MYO15A: variants seen among roughly 807,000 people sequenced by gnomAD.
MYO15A encodes the protein myosin XVA.
In MYO15A, 308 loss-of-function variants were observed where a neutral mutation model predicts 394.6. That is an observed-to-expected ratio of 0.78 (90% CI 0.71 to 0.86). MYO15A has a LOEUF of 0.86. Ranked by LOEUF, MYO15A falls within the 40% of genes least tolerant of loss-of-function variation. The pLI, the probability that MYO15A is intolerant of heterozygous loss-of-function variation, is 0.00. For synonymous variants in MYO15A, 1,957 were observed against 2,003.8 expected (o/e 0.98, Z 0.62); for missense variants, 4,606 against 4,799.1 (o/e 0.96, Z 1.19).
chr17:18,119,292 C>T lies in MYO15A; in HGVS notation c.492C>T (p.Ser164=). ...ATVDAWLQRS[S]SRMGSRKLPF... ...TGGACGCCTGGCTGCAGCGCTCGAGCTCCCGCATGGGCTCCCGCAAACTCC... is the reference window on the plus strand; with the variant it reads ...TGGACGCCTGGCTGCAGCGCTCGAGTTCCCGCATGGGCTCCCGCAAACTCC... The change falls in exon 2 of 66, where the codon AGC becomes AGT. Residue 164 remains serine (S), a synonymous_variant. Transcript: ENST00000647165. The T allele has an allele frequency of 6.2e-7, 1 of 1,611,640 alleles. No homozygotes were observed. The highest frequency in any genetic ancestry group is 2.2e-5 in the East Asian group (1 of 44,856).
chr17:18,136,584 G>C lies in MYO15A; in HGVS notation c.4677G>C (p.Leu1559Phe), dbSNP rs148999376. ...VDARDAIAKV[L>F]YALLFSWLIT... ...CCAGGGACGCCATCGCCAAGGTCTT[G>C]TATGCACTGCTGTTCAGCTGGCTCA... Residue 1559 changes from leucine (L) to phenylalanine (F), a missense_variant, in exon 15 of 66, where the codon TTG (leucine) becomes TTC (phenylalanine). Physicochemically the swap from Leu to Phe is conservative, Grantham distance 22. This residue lies in a region of MYO15A where 2,776 missense variants were observed against 3,109.3 expected (regional missense o/e 0.89). Transcript: ENST00000647165. 1.9e-6 allele frequency: 3 copies of C among 1,614,038 alleles called. No homozygotes were observed. The highest frequency in any genetic ancestry group is 2.5e-6 in the Non-Finnish European group (3 of 1,180,044).
In MYO15A at chr17:18,137,691, C is replaced by T. The variant is rs747178593; in HGVS notation, c.4875+12C>T. 1.2e-5 allele frequency: 20 copies of T among 1,612,770 alleles called. No individual in the cohort carries two copies. Among genetic ancestry groups the T allele is most frequent in the Non-Finnish European group, 1.6e-5 (19 of 1,179,132 alleles). Reference sequence around the variant, plus strand: ...TCCAGGAGGAGCAGGTGTGTGGGCCCCATTAATACTCCTGTCCCTGTCTTG... The same window carrying T: ...TCCAGGAGGAGCAGGTGTGTGGGCCTCATTAATACTCCTGTCCCTGTCTTG... On this transcript the variant is annotated intron_variant, in intron 16 of 65. Transcript: ENST00000647165.
chr17:18,169,920 G>A (rs974000809), intron 62 of MYO15A, among the ~76,000 whole-genome samples: 6 of 139,010 alleles, frequency 4.3e-5, no homozygotes, highest in East Asian at 2.1e-4. Context: ...GCAGTGAGCC[G>A]TGATTGCACC....
rs1210924543 is a variant in MYO15A at position 18,122,320 on chromosome 17, C to T, written c.3520C>T (p.Pro1174Ser). 1 of 1,612,994 alleles carries T rather than the reference C, an allele frequency of 6.2e-7. No homozygotes were observed. ...ACCCTGGCCACGAGTACACACCCATCCCCAGTCCTGCCACCTGGGCCCTGG... is the reference window on the plus strand; with the variant it reads ...ACCCTGGCCACGAGTACACACCCATTCCCAGTCCTGCCACCTGGGCCCTGG... ...YGPWPRVHTH[P>S]QSCHLGPGAA... is the part of the protein sequence containing the mutation. The change falls in exon 2 of 66, where the codon CCC becomes TCC. Residue 1174 changes from proline (P) to serine (S), a missense_variant. Physicochemically the swap from Pro to Ser is moderately conservative, Grantham distance 74. Coordinates refer to ENST00000647165, the MANE Select transcript of MYO15A (RefSeq NM_016239.4).
At chr17:18,165,948 G>A (rs966888549) in intron 60 of MYO15A, among the ~76,000 whole-genome samples, 2 of 152,148 alleles carry the variant, frequency 1.3e-5, no homozygotes, top group African/African-American at 4.8e-5. Flanking sequence ...GCACCCACTG[G>A]GTCTCATAGT....
Position 18,126,785 on chromosome 17 carries a change from C to T in MYO15A, c.3867-6C>T, listed in dbSNP as rs775860530. 6 of 1,614,096 alleles carry T rather than the reference C, an allele frequency of 3.7e-6. No individual in the cohort carries two copies. The South Asian group carries it at 5.5e-5, about 15-fold the overall frequency. The stretch of plus-strand genomic sequence containing the variant: ...AGGGGCCAGCTCTAATGACCTGTCT[C>T]CCCAGGCACCTCTTTGCTGTTGCAA... On this transcript the variant is annotated splice_polypyrimidine_tract_variant and splice_region_variant and intron_variant, in intron 5 of 65. Transcript: ENST00000647165.
intron 40 of MYO15A, 31 bp downstream of exon 40, chr17:18,151,558 GCC>G (rs1567653322): frequency 1.9e-6 from 3 of 1,612,672 alleles, no homozygotes; most frequent in Non-Finnish European, 2.5e-6. Context: ...CAGCCCGCCA[GCC>G]CCCTCACTGT....
intron 65 of MYO15A, among the ~76,000 whole-genome samples, chr17:18,175,972 G>A (rs891884540): frequency 5.9e-5 from 9 of 151,982 alleles, no homozygotes; most frequent in African/African-American, 2.2e-4. Flanking sequence ...TCTCCACCTG[G>A]AATGCTCTTC....
intron 1 of MYO15A, among the ~76,000 whole-genome samples, chr17:18,115,136 C>T (rs1050181635): frequency 1.3e-5 from 2 of 152,220 alleles, no homozygotes; most frequent in African/African-American, 2.4e-5. Context: ...CTGCACCCTG[C>T]CTCATCCCCA....
At chr17:18,149,921 C>T in intron 35 of MYO15A, 1 of 351,170 alleles carries the variant, frequency 2.8e-6, no homozygotes. Flanking sequence ...CCACTGTGCT[C>T]CAGCCTGGGC....
At position 18,120,188 on chromosome 17, in the gene MYO15A, T is replaced by A. The variant is rs756037505; in HGVS notation, c.1388T>A (p.Met463Lys). The A allele has an allele frequency of 6.2e-7, 1 of 1,612,912 alleles. No homozygotes were observed. Among genetic ancestry groups the A allele is most frequent in the South Asian group, 1.1e-5 (1 of 91,092 alleles). Residue 463 changes from methionine (M) to lysine (K), a missense_variant, in exon 2 of 66, where the codon ATG becomes AAG. Transcript: ENST00000647165. ...PSAAFFEQQGMDKPARSKLSL... is the reference protein window; with the variant it reads ...PSAAFFEQQGKDKPARSKLSL... Reference sequence around the variant, plus strand: ...GCCGCCTTCTTCGAGCAGCAAGGCATGGATAAGCCCGCCAGGTCCAAGCTG... The same window carrying A: ...GCCGCCTTCTTCGAGCAGCAAGGCAAGGATAAGCCCGCCAGGTCCAAGCTG...
rs538861771 is a variant in MYO15A, at chr17:18,138,182, A to G, written c.4943A>G (p.Asn1648Ser). The part of the protein sequence containing the change: ...ITFADNQPCI[N>S]LISLKPYGIL... ...TTTGCTGACAACCAGCCCTGCATCAACCTCATCTCACTGAAGCCTTATGGC... is the reference window on the plus strand; with the variant it reads ...TTTGCTGACAACCAGCCCTGCATCAGCCTCATCTCACTGAAGCCTTATGGC... Residue 1648 changes from asparagine to serine, a missense_variant, in exon 17 of 66, where the codon AAC becomes AGC. Transcript: ENST00000647165. 2.0e-5 allele frequency: 32 copies of G among 1,613,802 alleles called. No individual in the cohort carries two copies. The highest frequency in any genetic ancestry group is 2.7e-5 in the African/African-American group (2 of 75,034).
intron 7 of MYO15A, 106 bp downstream of exon 7, chr17:18,127,271 G>A: frequency 7.3e-7 from 1 of 1,365,372 alleles, no homozygotes; most frequent in Non-Finnish European, 1.0e-6. Flanking sequence ...GGAAGATGAG[G>A]AGGCTGAGTT....
intron 65 of MYO15A, chr17:18,176,618 C>T (rs2047018610): frequency 6.8e-6 from 1 of 147,404 alleles, no homozygotes; most frequent in African/African-American, 2.6e-5. Flanking sequence ...CTCACTACAA[C>T]CTCTGCTTCC....
intron 1 of MYO15A, among the ~76,000 whole-genome samples, chr17:18,116,168 G>C (rs1261154532): frequency 6.6e-6 from 1 of 152,216 alleles, no homozygotes; most frequent in Admixed American, 6.5e-5. Flanking sequence ...ATCCAGGTTG[G>C]GGTAGCGGTG....
Position 18,136,479 on chromosome 17 carries a change from A to T in MYO15A, c.4655+4A>T, listed in dbSNP as rs776972692. The T allele has an allele frequency of 1.4e-5, 22 of 1,613,646 alleles. No individual in the cohort carries two copies. Among genetic ancestry groups the T allele is most frequent in the Non-Finnish European group, 1.9e-5 (22 of 1,180,028 alleles). ...TGGAGAGCGCTGTGGATGCCAGGTG[A>T]GGCCACGCCCTCCCCTGCCTGAGCC... On this transcript the variant is annotated splice_donor_region_variant and intron_variant, in intron 14 of 65. Transcript: ENST00000647165.
chr17:18,179,279 A>C lies in MYO15A; in HGVS notation c.*409A>C. The C allele has an allele frequency of 3.2e-6, 1 of 313,570 alleles. No individual in the cohort carries two copies. 19.4% of individuals were successfully genotyped at this position (313,570 alleles called of 1,614,324 possible). A position where few individuals can be genotyped will look rare whatever the true frequency, so the allele number is the denominator to read the frequency against. ...GGGTCTGATGTTGGAATCTGCTCCA[A>C]CTCCACACCCTAGCCCTTACATGTC... On this transcript the variant is annotated 3_prime_UTR_variant, in exon 66 of 66. Coordinates refer to ENST00000647165, the MANE Select transcript of MYO15A (RefSeq NM_016239.4).
At chr17:18,128,496 C>G (rs1462296275) in intron 7 of MYO15A, among the ~76,000 whole-genome samples, 1 of 152,154 alleles carries the variant, frequency 6.6e-6, no homozygotes, top group Non-Finnish European at 1.5e-5. Flanking sequence ...CTGGCCTGGC[C>G]CCCTCTGATG....
At chr17:18,158,289 C>G in intron 51 of MYO15A, 7 of 594,286 alleles carry the variant, frequency 1.2e-5, no homozygotes, top group Non-Finnish European at 2.1e-5. Flanking sequence ...GGAAGTCAAC[C>G]CCGGGCAAGG....
Sources: allele counts gnomAD v4.1 joint callset (sites outside exome capture counted in the v4.1 genomes callset), GRCh38; gene constraint gnomAD v4.1.1; regional missense constraint gnomAD v4.1.1; transcripts MANE v1.5; gene names NCBI Gene and HGNC (gene_info 2026-07-23, HGNC 2026-07-21).